Variants in ANKS1B observed in about 807,000 individuals in gnomAD.
ANKS1B encodes the protein ankyrin repeat and sterile alpha motif domain-containing protein 1B.
A neutral mutation model predicts 148.3 loss-of-function variants in ANKS1B; 36 were observed. The observed-to-expected ratio is 0.24, with a 90% CI of 0.19 to 0.32. The LOEUF is 0.32. ANKS1B is among the 10% of genes least tolerant of loss of function. The probability of loss-of-function intolerance (pLI) is 1.00; values close to 1 mark genes in which losing one functional copy is unlikely to be tolerated. For missense variants in ANKS1B, 1,157 were observed against 1,542.6 expected (o/e 0.75, Z 4.19); for synonymous variants, 542 against 560.8 (o/e 0.97, Z 0.47).
chr12:99,651,470 A>C (rs2098418960), intron 9 of ANKS1B, among the ~76,000 whole-genome samples: 1 of 152,296 alleles, frequency 6.6e-6, no homozygotes, highest in East Asian at 1.9e-4. Context: ...CTTAACAGAG[A>C]CCAACTTTAT....
At chr12:99,339,868 C>T (rs1407437436) in intron 12 of ANKS1B, among the ~76,000 whole-genome samples, 2 of 152,044 alleles carry the variant, frequency 1.3e-5, no homozygotes, top group African/African-American at 2.4e-5. Flanking sequence ...TGAGACTCTG[C>T]GTCAGACCAT....
At chr12:98,985,292 T>G (rs572561276) in intron 17 of ANKS1B, among the ~76,000 whole-genome samples, 10 of 152,208 alleles carry the variant, frequency 6.6e-5, no homozygotes, top group Admixed American at 5.9e-4. Flanking sequence ...AAAAAATTTT[T>G]TTTTGCAGAG....
chr12:99,060,591 T>C lies in ANKS1B; in HGVS notation c.2626-7282A>G, dbSNP rs189567644. Reference sequence around the variant, plus strand: ...TAACTTTTTAGCTTTATTTGAAATATTATGGATCTGTTATATATATGTGGT... The same window carrying C: ...TAACTTTTTAGCTTTATTTGAAATACTATGGATCTGTTATATATATGTGGT... On this transcript the variant is annotated intron_variant, in intron 16 of 26. Coordinates refer to ENST00000683438, the MANE Select transcript of ANKS1B (RefSeq NM_001352186.2). Among the ~76,000 whole-genome samples, 345 of 151,880 alleles carry C rather than the reference T, an allele frequency of 2.3e-3. 1 individual carries two copies. Among genetic ancestry groups the C allele is most frequent in the African/African-American group, 7.7e-3 (318 of 41,400 alleles).
At chr12:99,174,973 G>T (rs1225974843) in intron 14 of ANKS1B, among the ~76,000 whole-genome samples, 2 of 152,050 alleles carry the variant, frequency 1.3e-5, no homozygotes. Flanking sequence ...CTCAATGAAG[G>T]AATTCTCTAC....
chr12:99,716,082 C>T (rs1421696852), intron 8 of ANKS1B, among the ~76,000 whole-genome samples: 1 of 152,088 alleles, frequency 6.6e-6, no homozygotes. Flanking sequence ...GGGGCAAAAA[C>T]CACAACCCCT....
chr12:99,394,842 G>A (rs907754034), intron 12 of ANKS1B, among the ~76,000 whole-genome samples: 1 of 152,080 alleles, frequency 6.6e-6, no homozygotes, highest in Non-Finnish European at 1.5e-5. Flanking sequence ...TGGACCTTCT[G>A]CTGCCTACTT....
intron 17 of ANKS1B, chr12:98,895,216 G>T: frequency 1.0e-6 from 1 of 985,230 alleles, no homozygotes; most frequent in Non-Finnish European, 1.2e-6. Context: ...ACTGGGGGTT[G>T]CCGGCGCGCG....
intron 9 of ANKS1B, among the ~76,000 whole-genome samples, chr12:99,536,887 C>A (rs1389417659): frequency 6.6e-6 from 1 of 152,152 alleles, no homozygotes; most frequent in Non-Finnish European, 1.5e-5. Context: ...CATTAACCCT[C>A]CCCACCTTAA....
At chr12:99,579,881 C>CA (rs929603527) in intron 9 of ANKS1B, among the ~76,000 whole-genome samples, 63 of 149,728 alleles carry the variant, frequency 4.2e-4, no homozygotes, top group Non-Finnish European at 8.8e-4. Flanking sequence ...ATCGTTCCAC[C>CA]AAAAAAAAAT....
intron 14 of ANKS1B, among the ~76,000 whole-genome samples, chr12:99,186,317 C>T (rs1159947646): frequency 2.0e-5 from 3 of 152,320 alleles, no homozygotes; most frequent in African/African-American, 7.2e-5. Context: ...ACAGCTTCAG[C>T]AGACATAAAT....
At chr12:99,483,579 C>A (rs527478788) in intron 10 of ANKS1B, among the ~76,000 whole-genome samples, 3 of 151,868 alleles carry the variant, frequency 2.0e-5, no homozygotes, top group Admixed American at 6.6e-5. Flanking sequence ...GGTACCAATT[C>A]TCTTTTTAAT....
intron 19 of ANKS1B, among the ~76,000 whole-genome samples, chr12:98,818,006 G>A (rs1280147601): frequency 6.6e-6 from 1 of 152,118 alleles, no homozygotes; most frequent in Non-Finnish European, 1.5e-5. Flanking sequence ...AAGAGTGGGA[G>A]GAAGTAAACA....
chr12:99,100,943 C>T (rs1341161015), intron 15 of ANKS1B, among the ~76,000 whole-genome samples: 1 of 152,222 alleles, frequency 6.6e-6, no homozygotes, highest in Non-Finnish European at 1.5e-5. Flanking sequence ...CGGAACATCT[C>T]TGCTACCTGC....
chr12:98,766,818 C>G (rs910170535), intron 25 of ANKS1B, among the ~76,000 whole-genome samples: 3 of 151,948 alleles, frequency 2.0e-5, no homozygotes, highest in African/African-American at 7.3e-5. Flanking sequence ...TTAAATTTTT[C>G]TTTCCTTTTT....
At chr12:99,787,033 C>G (rs536161358) in intron 4 of ANKS1B, among the ~76,000 whole-genome samples, 73 of 152,106 alleles carry the variant, frequency 4.8e-4, no homozygotes, top group African/African-American at 1.6e-3. Context: ...AAATAGCATT[C>G]TAGAAATAGA....
chr12:99,888,700 T>C (rs1014804135), intron 1 of ANKS1B, among the ~76,000 whole-genome samples: 6 of 152,170 alleles, frequency 3.9e-5, no homozygotes, highest in Admixed American at 1.3e-4. Flanking sequence ...AGTCCCCTGA[T>C]CACTTTTTGC....
At chr12:98,837,761 AATTT>A in intron 17 of ANKS1B, among the ~76,000 whole-genome samples, 1 of 152,276 alleles carries the variant, frequency 6.6e-6, no homozygotes, top group Non-Finnish European at 1.5e-5. Flanking sequence ...TTTCTTTTAA[AATTT>A]AATGTGATAT....
intron 9 of ANKS1B, among the ~76,000 whole-genome samples, chr12:99,578,312 C>A (rs1020995900): frequency 6.6e-6 from 1 of 151,892 alleles, no homozygotes; most frequent in Non-Finnish European, 1.5e-5. Context: ...TGACTGCACA[C>A]CCACTAACCA....
intron 1 of ANKS1B, among the ~76,000 whole-genome samples, chr12:99,896,772 T>C (rs1418889916): frequency 1.3e-5 from 2 of 151,250 alleles, no homozygotes; most frequent in East Asian, 3.8e-4. Context: ...AAACAAACTT[T>C]TGGAAAATGC....
Sources: allele counts gnomAD v4.1 joint callset (sites outside exome capture counted in the v4.1 genomes callset), GRCh38; gene constraint gnomAD v4.1.1; transcripts MANE v1.5; gene names NCBI Gene and HGNC (gene_info 2026-07-23, HGNC 2026-07-21).